The following CDH6 variants were observed in gnomAD, a reference collection of about 807,000 sequenced individuals.
CDH6 encodes the protein cadherin-6.
In CDH6, 31 loss-of-function variants were observed where a neutral mutation model predicts 78.0. The ratio of observed to expected loss-of-function variants is 0.40; its 90% confidence interval spans 0.30 to 0.54. CDH6 has a LOEUF of 0.54. CDH6 is among the 20% of genes least tolerant of loss of function. The pLI is 0.56. For synonymous variants in CDH6, 376 were observed against 368.8 expected, an observed-to-expected ratio of 1.02 and a Z score of -0.23; for missense variants, 724 against 975.9, an observed-to-expected ratio of 0.74 and a Z score of 3.44.
chr5:31,305,472 A>G, intron 7 of CDH6, 45 bp downstream of exon 7: 3 of 1,564,878 alleles, frequency 1.9e-6, no homozygotes, highest in Non-Finnish European at 2.6e-6. Flanking sequence ...GCTTCAGTCA[A>G]TTTATATTCA....
intron 2 of CDH6, among the ~76,000 whole-genome samples, chr5:31,269,405 A>G (rs956116796): frequency 6.6e-6 from 1 of 152,180 alleles, no homozygotes; most frequent in Non-Finnish European, 1.5e-5. Context: ...TGTGGACTCA[A>G]ACAGATCCGA....
At chr5:31,284,164 T>G (rs561894896) in intron 2 of CDH6, among the ~76,000 whole-genome samples, 137 of 152,300 alleles carry the variant, frequency 9.0e-4, no homozygotes, top group Non-Finnish European at 1.3e-3. Context: ...AGAAATAAGC[T>G]GGCCAACCAA....
rs920700053 is a variant in CDH6 at position 31,323,770 on chromosome 5, G to T, written c.*462G>T. 2 of 232,558 alleles carry T rather than the reference G, an allele frequency of 8.6e-6. No individual in the cohort carries two copies. Among genetic ancestry groups the T allele is most frequent in the African/African-American group, 4.4e-5 (2 of 45,268 alleles). The allele number at this position is 232,558 out of a possible 1,614,324, so 14.4% of individuals were successfully genotyped here. A position where few individuals can be genotyped will look rare whatever the true frequency, so the allele number is the denominator to read the frequency against. Reference sequence around the variant, plus strand: ...TCACAAAGAGATAAACTACATAGGGGTGTTTATTTGTGTCACAAAGAATTT... The same window carrying T: ...TCACAAAGAGATAAACTACATAGGGTTGTTTATTTGTGTCACAAAGAATTT... On this transcript the variant is annotated 3_prime_UTR_variant, in exon 12 of 12. Coordinates refer to ENST00000265071, the MANE Select transcript of CDH6 (RefSeq NM_004932.4).
chr5:31,323,450 T>C lies in CDH6; in HGVS notation c.*142T>C. ...GCTGCAGTCCGTGTGGATCCAATGTTAGAGACTTTTTTCTAGTACACTTTT... is the reference window on the plus strand; with the variant it reads ...GCTGCAGTCCGTGTGGATCCAATGTCAGAGACTTTTTTCTAGTACACTTTT... On this transcript the variant is annotated 3_prime_UTR_variant, in exon 12 of 12. Coordinates refer to ENST00000265071, the MANE Select transcript of CDH6 (RefSeq NM_004932.4). 1.0e-6 allele frequency: 1 copy of C among 967,954 alleles called. No individual in the cohort carries two copies. The highest frequency in any genetic ancestry group is 1.5e-6 in the Non-Finnish European group (1 of 665,940). 60.0% of individuals were successfully genotyped at this position (967,954 alleles called of 1,614,324 possible). A position where few individuals can be genotyped will look rare whatever the true frequency, so the allele number is the denominator to read the frequency against.
chr5:31,267,139 G>A (rs1181942813), intron 1 of CDH6, among the ~76,000 whole-genome samples: 1 of 152,076 alleles, frequency 6.6e-6, no homozygotes, highest in Non-Finnish European at 1.5e-5. Context: ...CGGTAGAAAA[G>A]GAGAAAGAAA....
intron 1 of CDH6, among the ~76,000 whole-genome samples, chr5:31,229,098 G>A (rs1741243866): frequency 6.6e-6 from 1 of 152,110 alleles, no homozygotes; most frequent in Non-Finnish European, 1.5e-5. Context: ...CATTTCCAAG[G>A]GTACCAACTG....
At position 31,322,986 on chromosome 5, in the gene CDH6, A is replaced by T. The variant is rs779600261; in HGVS notation, c.2051A>T (p.Glu684Val). ...ACCCTGAGGAATCCTGAAGCCATAG[A>T]GGACAACAAATTACGAAGGGACATT... ...IGTLRNPEAI[E>V]DNKLRRDIVP... The change falls in exon 12 of 12, where the codon GAG becomes GTG. Residue 684 changes from glutamate (E) to valine (V), a missense_variant. Physicochemically the swap from Glu to Val is moderately radical, Grantham distance 121. This residue lies in a region of CDH6 where 220 missense variants were observed against 240.6 expected (regional missense o/e 0.91). Coordinates refer to ENST00000265071, the MANE Select transcript of CDH6 (RefSeq NM_004932.4). The T allele has an allele frequency of 5.3e-5, 86 of 1,614,200 alleles. No individual in the cohort carries two copies. Among genetic ancestry groups the T allele is most frequent in the Non-Finnish European group, 7.2e-5 (85 of 1,180,026 alleles).
intron 1 of CDH6, among the ~76,000 whole-genome samples, chr5:31,246,617 G>T (rs1284079334): frequency 6.6e-6 from 1 of 152,186 alleles, no homozygotes; most frequent in African/African-American, 2.4e-5. Flanking sequence ...TAGAGCATCA[G>T]ATTTACAAAC....
chr5:31,246,910 TG>T (rs1741764248), intron 1 of CDH6, among the ~76,000 whole-genome samples: 1 of 152,084 alleles, frequency 6.6e-6, no homozygotes, highest in Admixed American at 6.5e-5. Context: ...CCACTATGCT[TG>T]GCTAATATTT....
chr5:31,246,303 GA>G (rs1407050411), intron 1 of CDH6, among the ~76,000 whole-genome samples: 2 of 152,028 alleles, frequency 1.3e-5, no homozygotes, highest in Non-Finnish European at 2.9e-5. Context: ...TCTCACTAAG[GA>G]ATAGAAATTT....
intron 1 of CDH6, among the ~76,000 whole-genome samples, chr5:31,240,257 T>A (rs565903073): frequency 6.6e-6 from 1 of 152,340 alleles, no homozygotes; most frequent in South Asian, 2.1e-4. Flanking sequence ...CATAGTGATT[T>A]TTTTCCTTCT....
intron 7 of CDH6, among the ~76,000 whole-genome samples, chr5:31,309,756 A>G (rs963510265): frequency 6.6e-6 from 1 of 152,240 alleles, no homozygotes; most frequent in Non-Finnish European, 1.5e-5. Context: ...CAGGAAACTT[A>G]CAATCATAGC....
chr5:31,273,813 T>G (rs1467434033), intron 2 of CDH6, among the ~76,000 whole-genome samples: 1 of 152,248 alleles, frequency 6.6e-6, no homozygotes, highest in Non-Finnish European at 1.5e-5. Flanking sequence ...TCCTTTCACT[T>G]TTTAATTTCC....
At chr5:31,317,321 G>A in intron 9 of CDH6, 54 bp from the exon 10 acceptor site, 1 of 849,124 alleles carries the variant, frequency 1.2e-6, no homozygotes, top group Non-Finnish European at 1.9e-6. Flanking sequence ...AAAACGGTAA[G>A]AAACACTTTT....
intron 1 of CDH6, among the ~76,000 whole-genome samples, chr5:31,238,928 T>C (rs1278947025): frequency 2.0e-5 from 3 of 152,230 alleles, no homozygotes; most frequent in Non-Finnish European, 4.4e-5. Context: ...TACTTCTCTA[T>C]ATATGTTTAG....
intron 5 of CDH6, 147 bp downstream of exon 5, chr5:31,299,778 A>C: frequency 1.5e-6 from 1 of 655,078 alleles, no homozygotes; most frequent in Non-Finnish European, 2.6e-6. Context: ...AGTTGACAAC[A>C]TGGCATACAC....
intron 1 of CDH6, among the ~76,000 whole-genome samples, chr5:31,253,380 T>C (rs539135271): frequency 6.2e-4 from 95 of 152,328 alleles, no homozygotes; most frequent in Middle Eastern, 3.4e-3. Flanking sequence ...CCTGCCATCA[T>C]GTGAAGAAGG....
chr5:31,284,659 T>C (rs1742966421), intron 2 of CDH6, among the ~76,000 whole-genome samples: 1 of 152,176 alleles, frequency 6.6e-6, no homozygotes, highest in African/African-American at 2.4e-5. Context: ...TAGCCAGACC[T>C]CGAGGGCAGT....
chr5:31,314,412 C>T (rs1579911440), intron 8 of CDH6, among the ~76,000 whole-genome samples: 1 of 149,196 alleles, frequency 6.7e-6, no homozygotes, highest in Middle Eastern at 3.5e-3. Context: ...AAGTTCTAAA[C>T]ATTTTTAGCT....
Sources: allele counts gnomAD v4.1 joint callset (sites outside exome capture counted in the v4.1 genomes callset), GRCh38; gene constraint gnomAD v4.1.1; regional missense constraint gnomAD v4.1.1; transcripts MANE v1.5; gene names NCBI Gene and HGNC (gene_info 2026-07-23, HGNC 2026-07-21).